The following CORIN variants were observed in gnomAD, a reference collection of about 807,000 sequenced individuals.
CORIN encodes the protein corin, serine peptidase.
In CORIN, 117 loss-of-function variants were observed where a neutral mutation model predicts 125.3. That is an observed-to-expected ratio of 0.93 (90% CI 0.80 to 1.09). CORIN has a LOEUF of 1.09. Ranked by LOEUF, CORIN falls within the 50% of genes least tolerant of loss-of-function variation. CORIN has a pLI of 0.00. For synonymous variants in CORIN, 450 were observed against 466.4 expected, an observed-to-expected ratio of 0.96 and a Z score of 0.45; for missense variants, 1,253 against 1,306.7, an observed-to-expected ratio of 0.96 and a Z score of 0.63.
intron 3 of CORIN, among the ~76,000 whole-genome samples, chr4:47,783,670 ACT>A (rs1730649420): frequency 6.6e-6 from 1 of 152,068 alleles, no homozygotes; most frequent in African/African-American, 2.4e-5. Flanking sequence ...ATAAAAATAA[ACT>A]CTCTGCTCAG....
intron 5 of CORIN, among the ~76,000 whole-genome samples, chr4:47,730,231 T>C (rs994770713): frequency 2.6e-5 from 4 of 151,838 alleles, no homozygotes; most frequent in African/African-American, 9.7e-5. Flanking sequence ...TCCCAGCACT[T>C]TGGGAGGCTG....
At chr4:47,661,473 A>G (rs1462557558) in intron 12 of CORIN, 2 of 452,438 alleles carry the variant, frequency 4.4e-6, no homozygotes, top group Non-Finnish European at 7.9e-6. Flanking sequence ...GTACCCACAA[A>G]AATAAAAGAA....
chr4:47,660,742 T>C (rs774522291), intron 12 of CORIN, among the ~76,000 whole-genome samples: 3 of 152,170 alleles, frequency 2.0e-5, no homozygotes, highest in Admixed American at 6.5e-5. Flanking sequence ...TGCAAATTGG[T>C]ACAACCACTA....
intron 1 of CORIN, among the ~76,000 whole-genome samples, chr4:47,807,549 AGGCTCACT>A (rs1731847708): frequency 6.6e-6 from 1 of 152,206 alleles, no homozygotes; most frequent in Admixed American, 6.5e-5. Context: ...TAATTCAGCC[AGGCTCACT>A]GTTACTGACC....
At chr4:47,733,317 A>C (rs548307895) in intron 5 of CORIN, among the ~76,000 whole-genome samples, 3 of 152,332 alleles carry the variant, frequency 2.0e-5, no homozygotes, top group African/African-American at 7.2e-5. Context: ...TAAGTACCTC[A>C]TCTATCTCTA....
At position 47,661,882 on chromosome 4, in the gene CORIN, T is replaced by C. The variant is rs752738078; in HGVS notation, c.1590-26A>G. 2.6e-6 allele frequency: 4 copies of C among 1,565,000 alleles called. No individual in the cohort carries two copies. The South Asian group carries it at 4.9e-5, about 19-fold the overall frequency. ...CTAGATGAACAAGAAAGACAAAACA[T>C]TAGAAGCAGAAATAGCTCCATCTGA... On this transcript the variant is annotated intron_variant, in intron 11 of 21. Coordinates refer to ENST00000273857, the MANE Select transcript of CORIN (RefSeq NM_006587.4).
chr4:47,647,622 T>G (rs1041091972), intron 13 of CORIN, among the ~76,000 whole-genome samples: 2 of 152,238 alleles, frequency 1.3e-5, no homozygotes, highest in South Asian at 4.1e-4. Flanking sequence ...GTCAGTATTA[T>G]GCTCACCATT....
At chr4:47,780,900 A>G (rs1312436265) in intron 3 of CORIN, among the ~76,000 whole-genome samples, 1 of 151,804 alleles carries the variant, frequency 6.6e-6, no homozygotes, top group East Asian at 1.9e-4. Flanking sequence ...ATATATATAT[A>G]TCCTTTGAGA....
At chr4:47,608,121 G>A (rs1213000678) in intron 19 of CORIN, among the ~76,000 whole-genome samples, 1 of 151,976 alleles carries the variant, frequency 6.6e-6, no homozygotes, top group Non-Finnish European at 1.5e-5. Context: ...AGGAGTTCAA[G>A]GCCAGCCTGG....
At position 47,802,518 on chromosome 4, in the gene CORIN, C is replaced by T. The variant is rs532703014; in HGVS notation, c.208+4385G>A. On this transcript the variant is annotated intron_variant, in intron 2 of 21. Transcript: ENST00000273857. ...TGGTTGTGGTGGCCACAGGGAGAGA[C>T]TCCTTGGCCAATGGAAATGGGAGGG... Among the ~76,000 whole-genome samples, 4 of 152,258 alleles carry T rather than the reference C, an allele frequency of 2.6e-5. No homozygotes were observed. The South Asian group carries it at 8.3e-4, about 32-fold the overall frequency.
chr4:47,766,647 T>C (rs542854799), intron 3 of CORIN, among the ~76,000 whole-genome samples: 4 of 152,072 alleles, frequency 2.6e-5, no homozygotes, highest in African/African-American at 9.6e-5. Context: ...ATTATACTCA[T>C]TATAAAAGAA....
chr4:47,779,288 T>C (rs1730431934), intron 3 of CORIN, among the ~76,000 whole-genome samples: 1 of 152,078 alleles, frequency 6.6e-6, no homozygotes, highest in Non-Finnish European at 1.5e-5. Context: ...CCAACATCCT[T>C]AACGGGTAAG....
chr4:47,654,579 A>G (rs764518475), intron 12 of CORIN, among the ~76,000 whole-genome samples: 28 of 152,340 alleles, frequency 1.8e-4, no homozygotes, highest in Non-Finnish European at 4.0e-4. Context: ...AAGCAACACC[A>G]GGCAGAGCTC....
intron 3 of CORIN, among the ~76,000 whole-genome samples, chr4:47,770,462 T>C (rs1001013431): frequency 6.6e-6 from 1 of 152,178 alleles, no homozygotes; most frequent in Non-Finnish European, 1.5e-5. Context: ...GAAGACAGTA[T>C]GGACATTCCT....
At chr4:47,658,992 C>A (rs2109658436) in intron 12 of CORIN, among the ~76,000 whole-genome samples, 2 of 152,352 alleles carry the variant, frequency 1.3e-5, no homozygotes, top group Admixed American at 1.3e-4. Context: ...AAATTTCTTT[C>A]ATCAGATACC....
intron 16 of CORIN, among the ~76,000 whole-genome samples, chr4:47,637,743 G>C (rs1283170205): frequency 1.3e-5 from 2 of 152,234 alleles, no homozygotes; most frequent in Non-Finnish European, 2.9e-5. Flanking sequence ...GTTTGCTGCA[G>C]GGGTGGGGCC....
At chr4:47,786,273 G>A (rs1193747296) in intron 3 of CORIN, among the ~76,000 whole-genome samples, 1 of 151,928 alleles carries the variant, frequency 6.6e-6, no homozygotes, top group Non-Finnish European at 1.5e-5. Flanking sequence ...GGTGGCTCAC[G>A]CCTGTAATCC....
intron 5 of CORIN, among the ~76,000 whole-genome samples, chr4:47,727,094 C>T (rs1727625866): frequency 6.6e-6 from 1 of 151,938 alleles, no homozygotes; most frequent in Non-Finnish European, 1.5e-5. Flanking sequence ...AAGTAAGGTG[C>T]TTTCCAAGTC....
At chr4:47,641,250 A>T (rs1388956147) in intron 16 of CORIN, among the ~76,000 whole-genome samples, 1 of 152,146 alleles carries the variant, frequency 6.6e-6, no homozygotes, top group East Asian at 1.9e-4. Context: ...TTTGTCTTCA[A>T]TTTCTCTAAT....
Sources: gnomAD v4.1 joint callset for allele counts (sites outside exome capture counted in the v4.1 genomes callset) on GRCh38, gnomAD v4.1.1 for gene constraint, MANE v1.5 for transcripts, NCBI Gene and HGNC (gene_info 2026-07-23, HGNC 2026-07-21) for gene names.